Variants in USH2A observed in about 807,000 individuals in gnomAD.
USH2A encodes usherin, also known as Usher syndrome 2A (autosomal recessive, mild).
A neutral mutation model predicts 538.9 loss-of-function variants in USH2A; 443 were observed. That is an observed-to-expected ratio of 0.82 (90% CI 0.76 to 0.89). The LOEUF is 0.89. USH2A is among the 40% of genes least tolerant of loss of function. The pLI is 0.00. For synonymous variants in USH2A, 2,413 were observed against 2,273.5 expected (o/e 1.06, Z -1.75); for missense variants, 6,633 against 6,324.8 (o/e 1.05, Z -1.65).
intron 64 of USH2A, among the ~76,000 whole-genome samples, chr1:215,668,583 G>C (rs779630333): frequency 2.6e-5 from 4 of 152,156 alleles, no homozygotes; most frequent in Non-Finnish European, 1.5e-5. Context: ...ACACAGAGCC[G>C]ATAGTAACAG....
intron 71 of USH2A, 90 bp from the exon 72 acceptor site, chr1:215,625,960 G>A: frequency 3.0e-6 from 4 of 1,325,768 alleles, no homozygotes; most frequent in Non-Finnish European, 4.3e-6. Flanking sequence ...AGTGTAAAAA[G>A]TAATAAGTAT....
At chr1:215,951,595 T>C (rs1371817205) in intron 37 of USH2A, among the ~76,000 whole-genome samples, 4 of 152,094 alleles carry the variant, frequency 2.6e-5, no homozygotes, top group Admixed American at 6.5e-5. Context: ...CTGAGTTCAA[T>C]TCCTGGATAT....
chr1:216,325,678 G>A (rs1571704256), intron 5 of USH2A, 79 bp from the exon 6 acceptor site: 1 of 1,397,924 alleles, frequency 7.2e-7, no homozygotes, highest in Non-Finnish European at 9.8e-7. Flanking sequence ...ACAAATGAAT[G>A]TCACTCGTTT....
chr1:216,208,498 A>C (rs561510729), intron 15 of USH2A, among the ~76,000 whole-genome samples: 1 of 152,302 alleles, frequency 6.6e-6, no homozygotes, highest in East Asian at 1.9e-4. Context: ...CAGTAAAAGA[A>C]AGCACACTCA....
intron 16 of USH2A, among the ~76,000 whole-genome samples, chr1:216,205,011 A>T (rs2035080706): frequency 6.6e-6 from 1 of 152,216 alleles, no homozygotes. Context: ...TGGATTCCTT[A>T]TTAGTGCAAT....
At chr1:216,386,683 G>A (rs1027560756) in intron 3 of USH2A, among the ~76,000 whole-genome samples, 47 of 149,088 alleles carry the variant, frequency 3.2e-4, no homozygotes, top group African/African-American at 1.0e-3. Context: ...GTGAAACCCC[G>A]TCTCTACTAA....
At chr1:215,905,579 G>A (rs1014131515) in intron 38 of USH2A, among the ~76,000 whole-genome samples, 8 of 152,004 alleles carry the variant, frequency 5.3e-5, no homozygotes, top group African/African-American at 7.2e-5. Flanking sequence ...TAAATGCTAC[G>A]GGGGACTCGG....
chr1:215,929,739 A>G lies in USH2A; in HGVS notation c.7300+4877T>C, dbSNP rs193117019. On this transcript the variant is annotated intron_variant, in intron 38 of 71. Coordinates refer to ENST00000307340, the MANE Select transcript of USH2A (RefSeq NM_206933.4). ...TACCATCCAGCCTCTTTAATGGATG[A>G]GCAAACTGAAGCTCAGTTATATCTG... Among the ~76,000 whole-genome samples, 197 of 152,182 alleles carry G rather than the reference A, an allele frequency of 1.3e-3. 3 individuals are homozygous for G. Among genetic ancestry groups the G allele is most frequent in the Non-Finnish European group, 1.8e-4 (12 of 67,978 alleles).
intron 58 of USH2A, among the ~76,000 whole-genome samples, chr1:215,747,891 G>GTT (rs971161483): frequency 1.2e-4 from 11 of 93,364 alleles, no homozygotes; most frequent in Non-Finnish European, 2.1e-4. Flanking sequence ...TGTTTGTTTG[G>GTT]TTTTTTTTTT....
chr1:216,203,773 T>C (rs2035050379), intron 16 of USH2A, among the ~76,000 whole-genome samples: 1 of 152,138 alleles, frequency 6.6e-6, no homozygotes, highest in South Asian at 2.1e-4. Flanking sequence ...AAATATTTGG[T>C]TGTCTAAAAT....
At chr1:216,378,753 A>G (rs1161671516) in intron 3 of USH2A, among the ~76,000 whole-genome samples, 1 of 152,044 alleles carries the variant, frequency 6.6e-6, no homozygotes, top group African/African-American at 2.4e-5. Flanking sequence ...CATCAGCTCT[A>G]ATCAATTCAC....
intron 21 of USH2A, among the ~76,000 whole-genome samples, chr1:216,144,762 T>G (rs2102614061): frequency 6.6e-6 from 1 of 152,298 alleles, no homozygotes; most frequent in South Asian, 2.1e-4. Flanking sequence ...CTTATCTGGC[T>G]ACTTTTTCTT....
At chr1:216,041,437 T>C (rs1487824843) in intron 32 of USH2A, among the ~76,000 whole-genome samples, 2 of 152,218 alleles carry the variant, frequency 1.3e-5, no homozygotes, top group East Asian at 1.9e-4. Flanking sequence ...TGAATTGAAA[T>C]GCATTTACTT....
intron 32 of USH2A, 36 bp from the exon 33 acceptor site, chr1:216,000,598 T>C (rs372342838): frequency 1.2e-6 from 2 of 1,610,936 alleles, no homozygotes; most frequent in African/African-American, 2.7e-5. Flanking sequence ...TTACTCAGCA[T>C]TATACTTCTT....
In USH2A at chr1:216,012,035, G is replaced by A. The variant is rs1434160449; in HGVS notation, c.6326-11473C>T. Among the ~76,000 whole-genome samples the A allele has an allele frequency of 1.2e-4, 8 of 69,046 alleles. 2 individuals are homozygous for A. The highest frequency in any genetic ancestry group is 2.0e-4 in the African/African-American group (4 of 20,198). 45.3% of individuals were successfully genotyped at this position (69,046 alleles called of 152,430 possible). On this transcript the variant is annotated intron_variant, in intron 32 of 71. Coordinates refer to ENST00000307340, the MANE Select transcript of USH2A (RefSeq NM_206933.4). ...CGCTCTGTCGCCCAGGCCGGACTGC[G>A]GACTGCAGTGGCGCAATCTCGGCTC...
chr1:215,638,124 T>C lies in USH2A; in HGVS notation c.15052+1031A>G, dbSNP rs79143715. ...AATTTATCATTCTAGGCTTTGAATC[T>C]AGAATATTAACATTATGATCAACAT... On this transcript the variant is annotated intron_variant, in intron 69 of 71. Transcript: ENST00000307340. Among the ~76,000 whole-genome samples the C allele has an allele frequency of 6.4e-3, 971 of 152,326 alleles. 24 individuals are homozygous for C. The South Asian group carries it at 0.07, about 11-fold the overall frequency.
At chr1:216,083,322 T>C in intron 26 of USH2A, 134 bp downstream of exon 26, 1 of 1,039,176 alleles carries the variant, frequency 9.6e-7, no homozygotes, top group East Asian at 2.6e-5. Flanking sequence ...AAACTAAAAA[T>C]GACTGGGAAA....
At chr1:215,839,947 CA>C (rs1663629377) in intron 46 of USH2A, among the ~76,000 whole-genome samples, 1 of 151,802 alleles carries the variant, frequency 6.6e-6, no homozygotes, top group African/African-American at 2.4e-5. Flanking sequence ...CACCTGAGGT[CA>C]GGAGTTTGAT....
chr1:216,114,961 T>C (rs1403574709), intron 21 of USH2A, among the ~76,000 whole-genome samples: 1 of 152,178 alleles, frequency 6.6e-6, no homozygotes, highest in Admixed American at 6.6e-5. Context: ...TTCATAGATA[T>C]ATATCTATCT....
Sources: allele counts gnomAD v4.1 joint callset (sites outside exome capture counted in the v4.1 genomes callset), GRCh38; gene constraint gnomAD v4.1.1; transcripts MANE v1.5; gene names NCBI Gene and HGNC (gene_info 2026-07-23, HGNC 2026-07-21).